Variants in MICAL3 observed in about 807,000 individuals in gnomAD.
The protein encoded by MICAL3 is [F-actin]-monooxygenase MICAL3.
A neutral mutation model predicts 207.4 loss-of-function variants in MICAL3; 62 were observed. The observed-to-expected ratio is 0.30, with a 90% CI of 0.24 to 0.37. The LOEUF (loss-of-function observed/expected upper bound fraction) is 0.37. Ranked by LOEUF, MICAL3 falls within the 10% of genes least tolerant of loss-of-function variation. The pLI, the probability that MICAL3 is intolerant of heterozygous loss-of-function variation, is 1.00. For missense variants in MICAL3, 2,368 were observed against 2,635.6 expected (o/e 0.90, Z 2.22); for synonymous variants, 1,077 against 1,069.3 (o/e 1.01, Z -0.14).
intron 19 of MICAL3, among the ~76,000 whole-genome samples, chr22:17,859,294 G>C (rs1020651534): frequency 1.3e-5 from 2 of 152,210 alleles, no homozygotes; most frequent in South Asian, 2.1e-4. Context: ...GCTGCTTCAG[G>C]GGGACGGAGG....
Position 18,024,030 on chromosome 22 carries a change from G to T in MICAL3, c.-75+251C>A, listed in dbSNP as rs114526609. On this transcript the variant is annotated intron_variant, in intron 1 of 31. Transcript: ENST00000441493. Reference sequence around the variant, plus strand: ...TCTGGCAGGCTCTGGGGAGTGTGTGGTACGTGGCATCCGCACTGGTGGGTG... The same window carrying T: ...TCTGGCAGGCTCTGGGGAGTGTGTGTTACGTGGCATCCGCACTGGTGGGTG... Among the ~76,000 whole-genome samples the T allele has an allele frequency of 2.9e-3, 435 of 152,328 alleles. 1 individual carries two copies. Among genetic ancestry groups the T allele is most frequent in the African/African-American group, 0.01 (420 of 41,578 alleles).
At chr22:17,893,346 C>T (rs535876279) in intron 11 of MICAL3, among the ~76,000 whole-genome samples, 2 of 152,268 alleles carry the variant, frequency 1.3e-5, no homozygotes, top group Admixed American at 6.5e-5. Flanking sequence ...GTATTCAGGG[C>T]CTTCAATACA....
At position 17,947,236 on chromosome 22, in the gene MICAL3, TG is replaced by T. The variant is rs202055058; in HGVS notation, c.-74-40351del. 6.8e-3 allele frequency among the ~76,000 whole-genome samples: 1,042 copies of T among 152,284 alleles called. 6 individuals are homozygous for T. Among genetic ancestry groups the T allele is most frequent in the South Asian group, 0.022 (108 of 4,824 alleles). Reference sequence around the variant, plus strand: ...AGCCTGGGCCCTGCCAGCAAGACTGTGCCCGCCAAGACAGCCTCTACACACC... The same window carrying T: ...AGCCTGGGCCCTGCCAGCAAGACTGTCCCGCCAAGACAGCCTCTACACACC... On this transcript the variant is annotated intron_variant, in intron 1 of 31. Coordinates refer to ENST00000441493, the MANE Select transcript of MICAL3 (RefSeq NM_015241.3).
chr22:17,974,936 G>T (rs1240025693), intron 1 of MICAL3, among the ~76,000 whole-genome samples: 1 of 152,160 alleles, frequency 6.6e-6, no homozygotes, highest in Non-Finnish European at 1.5e-5. Context: ...ATTTATCAAG[G>T]CTGTATGGTT....
chr22:17,877,447 T>G (rs1928873455), intron 16 of MICAL3, among the ~76,000 whole-genome samples: 2 of 119,582 alleles, frequency 1.7e-5, no homozygotes, highest in African/African-American at 4.3e-5. Context: ...GTGAGGGAGG[T>G]TATGGAGGTT....
At chr22:17,958,841 T>A (rs896970946) in intron 1 of MICAL3, among the ~76,000 whole-genome samples, 7 of 148,044 alleles carry the variant, frequency 4.7e-5, no homozygotes, top group Non-Finnish European at 7.5e-5. Context: ...GTAGCTGAGA[T>A]TAGAGGCGTC....
intron 1 of MICAL3, among the ~76,000 whole-genome samples, chr22:17,999,480 C>T (rs1602381775): frequency 6.6e-6 from 1 of 152,154 alleles, no homozygotes; most frequent in Non-Finnish European, 1.5e-5. Flanking sequence ...TATCATCATC[C>T]CCAGGTCTCT....
rs548260332 is a variant in MICAL3 at position 17,806,733 on chromosome 22, TATC to T, written c.5650+2108_5650+2110del. Among the ~76,000 whole-genome samples the T allele has an allele frequency of 4.0e-5, 6 of 151,004 alleles. No individual in the cohort carries two copies. The South Asian group carries it at 1.3e-3, about 32-fold the overall frequency. ...TTCTTTTTGATTTTAAACTTGAACT[TATC>T]ATCTTGTGAAAAGAGGTCTGCTGCT... On this transcript the variant is annotated intron_variant, in intron 29 of 31. Coordinates refer to ENST00000441493, the MANE Select transcript of MICAL3 (RefSeq NM_015241.3).
chr22:18,013,813 A>C (rs1435571673), intron 1 of MICAL3, among the ~76,000 whole-genome samples: 3 of 152,084 alleles, frequency 2.0e-5, no homozygotes, highest in Non-Finnish European at 4.4e-5. Flanking sequence ...TATTTTTTTA[A>C]AAAGAGAAAC....
At chr22:18,001,729 T>C (rs1208484051) in intron 1 of MICAL3, among the ~76,000 whole-genome samples, 4 of 152,204 alleles carry the variant, frequency 2.6e-5, no homozygotes, top group Non-Finnish European at 5.9e-5. Context: ...CCCTTCGTCC[T>C]CTCCGTCCCC....
At chr22:17,854,931 G>A (rs767498401) in intron 19 of MICAL3, among the ~76,000 whole-genome samples, 8 of 152,172 alleles carry the variant, frequency 5.3e-5, no homozygotes, top group South Asian at 2.1e-4. Context: ...GAAAACTGAC[G>A]GGAGAACATG....
intron 1 of MICAL3, among the ~76,000 whole-genome samples, chr22:17,964,038 A>G (rs1935038821): frequency 6.6e-6 from 1 of 152,218 alleles, no homozygotes; most frequent in Non-Finnish European, 1.5e-5. Flanking sequence ...AGGTAATAAC[A>G]GAGAGACTTC....
intron 16 of MICAL3, among the ~76,000 whole-genome samples, chr22:17,872,437 A>G (rs1927816192): frequency 6.6e-6 from 1 of 152,146 alleles, no homozygotes; most frequent in Non-Finnish European, 1.5e-5. Flanking sequence ...AAACACACAC[A>G]TGGAAGAAGG....
At chr22:17,800,593 G>A (rs771444925) in intron 29 of MICAL3, among the ~76,000 whole-genome samples, 2 of 152,172 alleles carry the variant, frequency 1.3e-5, no homozygotes, top group Admixed American at 6.5e-5. Flanking sequence ...AGCCTGGAGC[G>A]TGACACACAG....
chr22:17,865,231 C>A (rs1329925033), intron 18 of MICAL3, among the ~76,000 whole-genome samples: 1 of 152,034 alleles, frequency 6.6e-6, no homozygotes, highest in East Asian at 1.9e-4. Context: ...CCACCTCAGC[C>A]TCCTGAGTCA....
chr22:17,838,047 C>T (rs1409409539), intron 20 of MICAL3, among the ~76,000 whole-genome samples: 1 of 152,206 alleles, frequency 6.6e-6, no homozygotes, highest in East Asian at 1.9e-4. Flanking sequence ...ACAAGCAATC[C>T]TCCTGCCTTG....
chr22:17,798,574 C>A (rs2061901180), intron 29 of MICAL3, among the ~76,000 whole-genome samples: 1 of 152,198 alleles, frequency 6.6e-6, no homozygotes, highest in South Asian at 2.1e-4. Flanking sequence ...ATTTCTCACA[C>A]TTGTTTTGGC....
At chr22:17,931,046 G>A (rs767481028) in intron 1 of MICAL3, among the ~76,000 whole-genome samples, 2 of 152,182 alleles carry the variant, frequency 1.3e-5, no homozygotes, top group South Asian at 2.1e-4. Context: ...CTGTGAGCTC[G>A]GGCCTGTCCA....
At position 17,885,990 on chromosome 22, in the gene MICAL3, C is replaced by T; in HGVS notation, c.2129G>A (p.Arg710Lys). 3 of 1,614,066 alleles carry T rather than the reference C, an allele frequency of 1.9e-6. No individual in the cohort carries two copies. The South Asian group carries it at 3.3e-5, about 18-fold the overall frequency. The change falls in exon 16 of 32, where the codon AGG becomes AAG. Residue 710 changes from arginine (R) to lysine (K), a missense_variant. Physicochemically the swap from Arg to Lys is conservative, Grantham distance 26. Coordinates refer to ENST00000441493, the MANE Select transcript of MICAL3 (RefSeq NM_015241.3). Reference protein sequence around the residue: ...RPTLVSTLTDRRMDVAVGNQN... With the variant: ...RPTLVSTLTDKRMDVAVGNQN... Reference sequence around the variant, plus strand: ...GTTCCCAACGGCAACGTCCATCCTCCTGTCTGTCAGAGTGCTCACCAGGGT... The same window carrying T: ...GTTCCCAACGGCAACGTCCATCCTCTTGTCTGTCAGAGTGCTCACCAGGGT...
Sources: allele counts gnomAD v4.1 joint callset (sites outside exome capture counted in the v4.1 genomes callset), GRCh38; gene constraint gnomAD v4.1.1; transcripts MANE v1.5; gene names NCBI Gene and HGNC (gene_info 2026-07-23, HGNC 2026-07-21).